Variants in MUC4 observed in about 807,000 individuals in gnomAD.
The protein encoded by MUC4 is mucin 4, cell surface associated, also known as mucin-4.
MUC4 carries 202 observed loss-of-function variants against 257.9 expected under a neutral mutation model. The observed-to-expected ratio is 0.78, with a 90% CI of 0.70 to 0.88. MUC4 has a LOEUF of 0.88. Ranked by LOEUF, MUC4 falls within the 40% of genes least tolerant of loss-of-function variation. The pLI is 0.00. For synonymous variants in MUC4, 2,351 were observed against 2,757.1 expected, an observed-to-expected ratio of 0.85 and a Z score of 4.62; for missense variants, 5,976 against 6,513.7, an observed-to-expected ratio of 0.92 and a Z score of 2.84.
At position 195,746,933 on chromosome 3, in the gene MUC4, C is replaced by G; in HGVS notation, c.*243G>C. The G allele has an allele frequency of 1.6e-6, 1 of 613,766 alleles. No individual in the cohort carries two copies. Among genetic ancestry groups the G allele is most frequent in the Non-Finnish European group, 2.9e-6 (1 of 350,572 alleles). 38.0% of individuals were successfully genotyped at this position (613,766 alleles called of 1,614,324 possible). ...ACGCGCGCGTGCACAGGCTAGTGTC[C>G]TTCTGTGGGTGTGTCTGCGTGAGGA... On this transcript the variant is annotated 3_prime_UTR_variant, in exon 25 of 25. Transcript: ENST00000463781.
In MUC4 at chr3:195,786,682, A is replaced by G. The variant is rs1168349059; in HGVS notation, c.4898T>C (p.Leu1633Pro). Reference sequence around the variant, plus strand: ...TAATGAGGAAGCATTGGTGACAGGAAGAGGGGTGGTGTCACCTGTGGATGC... The same window carrying G: ...TAATGAGGAAGCATTGGTGACAGGAGGAGGGGTGGTGTCACCTGTGGATGC... ...SSASTGDTTPLPVTNASSLST... is the reference protein window; with the variant it reads ...SSASTGDTTPPPVTNASSLST... Residue 1633 changes from leucine to proline, a missense_variant, in exon 2 of 25, where the codon CTT becomes CCT. Physicochemically the swap from Leu to Pro is moderately conservative, Grantham distance 98 (BLOSUM62 -3). Transcript: ENST00000463781. 3 of 1,537,586 alleles carry G rather than the reference A, an allele frequency of 2.0e-6. No individual in the cohort carries two copies. Among genetic ancestry groups the G allele is most frequent in the South Asian group, 1.2e-5 (1 of 83,628 alleles).
chr3:195,803,532 G>A (rs1735612465), intron 1 of MUC4, among the ~76,000 whole-genome samples: 1 of 152,216 alleles, frequency 6.6e-6, no homozygotes, highest in African/African-American at 2.4e-5. Context: ...AGGGAGGTGG[G>A]GCTTCTTTTT....
At chr3:195,763,822 C>T (rs1719779724) in intron 11 of MUC4, among the ~76,000 whole-genome samples, 181 bp from the exon 12 acceptor site, 1 of 152,194 alleles carries the variant, frequency 6.6e-6, no homozygotes, top group Non-Finnish European at 1.5e-5. Context: ...GCACAGAATC[C>T]TCCCCTCAAG....
At chr3:195,807,775 T>C (rs1404201340) in intron 1 of MUC4, among the ~76,000 whole-genome samples, 1 of 152,028 alleles carries the variant, frequency 6.6e-6, no homozygotes, top group Admixed American at 6.6e-5. Context: ...AGACACAGAG[T>C]AGCAAAACCA....
intron 1 of MUC4, among the ~76,000 whole-genome samples, chr3:195,801,959 C>G (rs1412311273): frequency 6.6e-6 from 1 of 152,102 alleles, no homozygotes; most frequent in Non-Finnish European, 1.5e-5. Context: ...CGCTCCACGC[C>G]CAGATGACAT....
chr3:195,811,648 CTG>C, intron 1 of MUC4, 86 bp downstream of exon 1: 3 of 1,135,222 alleles, frequency 2.6e-6, no homozygotes, highest in Admixed American at 1.9e-5. Flanking sequence ...CTCTCTCTCT[CTG>C]TCTCCCCGGA....
intron 23 of MUC4, 63 bp from the exon 24 acceptor site, chr3:195,749,127 C>T: frequency 3.8e-6 from 6 of 1,574,114 alleles, no homozygotes; most frequent in Non-Finnish European, 5.2e-6. Flanking sequence ...AGTACCTTTT[C>T]AGCCACGAAT....
Position 195,781,567 on chromosome 3 carries a change from G to A in MUC4, c.10013C>T (p.Ser3338Phe), listed in dbSNP as rs1421013205. 2.5e-5 allele frequency: 32 copies of A among 1,282,406 alleles called. No individual in the cohort carries two copies. The highest frequency in any genetic ancestry group is 4.1e-5 in the South Asian group (3 of 73,782). 79.4% of individuals were successfully genotyped at this position (1,282,406 alleles called of 1,614,324 possible). A position where few individuals can be genotyped will look rare whatever the true frequency, so the allele number is the denominator to read the frequency against. The change falls in exon 2 of 25, where the codon TCC becomes TTC. Residue 3338 changes from serine to phenylalanine, a missense_variant. By Grantham distance (155) the Ser-to-Phe change is radical. Around this residue, in one of 44 missense-constraint regions of MUC4, gnomAD observed 72 missense variants for 33.5 expected, o/e 2.15. Transcript: ENST00000463781. ...AGGCACAGGGGTGGTGTCACCTGTG[G>A]ATGCTGAGGAAGGGCTGGTGACATG... ...PLHVTSPSSA[S>F]TGDTTPVPVT...
rs1290462318 is a variant in MUC4, at chr3:195,790,294, C to T, written c.1286G>A (p.Trp429Ter). The change falls in exon 2 of 25, where the codon TGG becomes TAG. Residue 429 changes from tryptophan to a stop codon, truncating the protein, a stop_gained. Transcript: ENST00000463781. LOFTEE classifies it high-confidence loss of function. ...SAITSKVSTI[W>*]WSDTLSTALS... is the part of the protein sequence containing the mutation. ...TGCTGTTGACAGAGTGTCTGACCAC[C>T]ATATGGTTGAAACTTTGGAAGTGAT... 5.6e-6 allele frequency: 9 copies of T among 1,613,824 alleles called. No homozygotes were observed. Among genetic ancestry groups the T allele is most frequent in the Non-Finnish European group, 7.6e-6 (9 of 1,179,860 alleles).
Position 195,757,146 on chromosome 3 carries a change from C to T in MUC4, c.15168+1G>A, listed in dbSNP as rs753457899. 1 of 1,592,746 alleles carries T rather than the reference C, an allele frequency of 6.3e-7. No individual in the cohort carries two copies. Among genetic ancestry groups the T allele is most frequent in the East Asian group, 2.3e-5 (1 of 44,234 alleles). On this transcript the variant is annotated splice_donor_variant, in intron 18 of 24. Coordinates refer to ENST00000463781, the MANE Select transcript of MUC4 (RefSeq NM_018406.7). LOFTEE classifies it high-confidence loss of function. The surrounding 1 kb of genome is among the most constrained non-coding windows in gnomAD (Gnocchi z 4.8). ...CTCCTCCCCCACCTCCCAACACTCA[C>T]CTCCAGGGAGGAGTTGCCCACCCTG...
At chr3:195,759,860 G>A (rs1483938224) in intron 16 of MUC4, among the ~76,000 whole-genome samples, 2 of 139,094 alleles carry the variant, frequency 1.4e-5, no homozygotes, top group South Asian at 2.3e-4. Context: ...CAGAGGTTGC[G>A]ACGAGCCGAG....
rs1309337674 is a variant in MUC4 at position 195,789,628 on chromosome 3, G to A, written c.1952C>T (p.Thr651Ile). 6.2e-6 allele frequency: 10 copies of A among 1,614,002 alleles called. No homozygotes were observed. Among genetic ancestry groups the A allele is most frequent in the Non-Finnish European group, 8.5e-6 (10 of 1,179,890 alleles). The change falls in exon 2 of 25, where the codon ACC becomes ATC. Residue 651 changes from threonine to isoleucine, a missense_variant. Around this residue, in one of 44 missense-constraint regions of MUC4, gnomAD observed 1,583 missense variants for 1,257.4 expected, o/e 1.26. Coordinates refer to ENST00000463781, the MANE Select transcript of MUC4 (RefSeq NM_018406.7). ...AGTCATGGGGGAGACGGACCTCGTG[G>A]TTTGTGATTCTTGTGTGGTCTGCGG... ...QAPQTTQESQ[T>I]TRSVSPMTDT...
At chr3:195,748,632 G>A (rs186558362) in intron 24 of MUC4, among the ~76,000 whole-genome samples, 188 of 152,354 alleles carry the variant, frequency 1.2e-3, no homozygotes, top group Non-Finnish European at 2.2e-3. Context: ...CTGCGTCCTG[G>A]GGCAGGTTCC....
chr3:195,747,470 A>C, intron 24 of MUC4, 90 bp from the exon 25 acceptor site: 1 of 1,434,492 alleles, frequency 7.0e-7, no homozygotes, highest in South Asian at 1.2e-5. Flanking sequence ...GAGGTTCTGT[A>C]GGAGAGGCTG....
chr3:195,804,050 C>G (rs1276815417), intron 1 of MUC4, among the ~76,000 whole-genome samples: 1 of 152,184 alleles, frequency 6.6e-6, no homozygotes, highest in Non-Finnish European at 1.5e-5. Flanking sequence ...AGAAGACACA[C>G]GTGTGTCATT....
At chr3:195,752,870 C>T (rs766737408) in intron 20 of MUC4, among the ~76,000 whole-genome samples, 181 bp downstream of exon 20, 10 of 152,200 alleles carry the variant, frequency 6.6e-5, no homozygotes, top group African/African-American at 9.7e-5. Flanking sequence ...TGGTCCTTGC[C>T]GTGACAGCTT....
rs762730751 is a variant in MUC4, at chr3:195,786,471, G to C, written c.5109C>G (p.Ser1703=). Residue 1703 remains serine (S), a synonymous_variant, in exon 2 of 25, where the codon TCC becomes TCG. Transcript: ENST00000463781. ...DTTRLPVTDV[S]SASTGQATPL... ...GGGTGGCCTGACCTGTGGATGCCGA[G>C]GAAACGTCGGTGACAGGAAGACGGG... The C allele has an allele frequency of 6.5e-7, 1 of 1,527,224 alleles. No individual in the cohort carries two copies. Among genetic ancestry groups the C allele is most frequent in the East Asian group, 2.5e-5 (1 of 39,956 alleles). The allele number at this position is 1,527,224 out of a possible 1,614,324, so 94.6% of individuals were successfully genotyped here.
Position 195,785,781 on chromosome 3 carries a change from GTC to G in MUC4, c.5797_5798del (p.Asp1933HisfsTer8), listed in dbSNP as rs1405652763. On this transcript the variant is annotated frameshift_variant, in exon 2 of 25. Coordinates refer to ENST00000463781, the MANE Select transcript of MUC4 (RefSeq NM_018406.7). LOFTEE classifies it high-confidence loss of function. ...VTSLSSASTGDTTPLPVTSPS... is the reference protein window; with the variant it reads ...VTSLSSASTGXTTPLPVTSPS... ...GGCTAGTGACAGGAAGAGGCGTGGT[GTC>G]ACCTGTGGATGCTGAGGAAAGGCTG... 5 of 1,486,062 alleles carry G rather than the reference GTC, an allele frequency of 3.4e-6. No homozygotes were observed. In the African/African-American group the frequency reaches 7.2e-5, roughly 21 times the overall value. 92.1% of individuals were successfully genotyped at this position (1,486,062 alleles called of 1,614,324 possible).
At position 195,783,994 on chromosome 3, in the gene MUC4, A is replaced by G. The variant is rs2148975525; in HGVS notation, c.7586T>C (p.Leu2529Pro). Reference sequence around the variant, plus strand: ...TAATGAGGAAGCATTGGTGACAGGAAGAGGGGTGGTGTCACCTGTGGATGC... The same window carrying G: ...TAATGAGGAAGCATTGGTGACAGGAGGAGGGGTGGTGTCACCTGTGGATGC... ...PSASTGDTTPLPVTNASSLST... is the reference protein window; with the variant it reads ...PSASTGDTTPPPVTNASSLST... The change falls in exon 2 of 25, where the codon CTT becomes CCT. Residue 2529 changes from leucine to proline, a missense_variant. Physicochemically the swap from Leu to Pro is moderately conservative, Grantham distance 98. Around this residue, in one of 44 missense-constraint regions of MUC4, gnomAD observed 135 missense variants for 114.7 expected, o/e 1.18. Coordinates refer to ENST00000463781, the MANE Select transcript of MUC4 (RefSeq NM_018406.7). 1 of 1,529,198 alleles carries G rather than the reference A, an allele frequency of 6.5e-7. No individual in the cohort carries two copies. The highest frequency in any genetic ancestry group is 8.8e-7 in the Non-Finnish European group (1 of 1,138,036). The allele number at this position is 1,529,198 out of a possible 1,614,324, so 94.7% of individuals were successfully genotyped here. A position where few individuals can be genotyped will look rare whatever the true frequency, so the allele number is the denominator to read the frequency against.
Sources: gnomAD v4.1 joint callset for allele counts (sites outside exome capture counted in the v4.1 genomes callset) on GRCh38, gnomAD v4.1.1 for gene constraint, gnomAD v4.1.1 regional missense constraint, Gnocchi (gnomAD v3.1) non-coding constraint, MANE v1.5 for transcripts, NCBI Gene and HGNC (gene_info 2026-07-23, HGNC 2026-07-21) for gene names.